Variants in HOMER2 observed in about 807,000 individuals in gnomAD.
HOMER2 encodes homer protein homolog 2.
In HOMER2, 27 loss-of-function variants were observed where a neutral mutation model predicts 47.0. The ratio of observed to expected loss-of-function variants is 0.57; its 90% confidence interval spans 0.42 to 0.79. The LOEUF (loss-of-function observed/expected upper bound fraction) is 0.79. HOMER2 is among the 30% of genes least tolerant of loss of function. The pLI is 0.00. For synonymous variants in HOMER2, 161 were observed against 163.8 expected, an observed-to-expected ratio of 0.98 and a Z score of 0.13; for missense variants, 443 against 435.0, an observed-to-expected ratio of 1.02 and a Z score of -0.16.
chr15:82,912,928 G>A (rs1226555869), intron 1 of HOMER2, among the ~76,000 whole-genome samples: 1 of 152,196 alleles, frequency 6.6e-6, no homozygotes, highest in Non-Finnish European at 1.5e-5. Context: ...TTGGGTTGCA[G>A]CTGCCCAAGG....
intron 1 of HOMER2, among the ~76,000 whole-genome samples, chr15:82,936,056 T>G (rs2054135902): frequency 6.6e-6 from 1 of 152,204 alleles, no homozygotes; most frequent in Non-Finnish European, 1.5e-5. Context: ...TTCTCCAATC[T>G]GAGACAGGGT....
intron 2 of HOMER2, among the ~76,000 whole-genome samples, 162 bp downstream of exon 2, chr15:82,892,523 A>G (rs1737254358): frequency 6.6e-6 from 1 of 152,172 alleles, no homozygotes; most frequent in East Asian, 1.9e-4. Context: ...ACAGAGAAAT[A>G]TTTTTCTTCC....
chr15:82,876,919 T>C (rs1312585731), intron 2 of HOMER2, among the ~76,000 whole-genome samples: 2 of 152,160 alleles, frequency 1.3e-5, no homozygotes, highest in East Asian at 3.9e-4. Context: ...GAAGTATCAT[T>C]GCTCTTGCTA....
At chr15:82,911,890 T>G (rs1286122909) in intron 1 of HOMER2, among the ~76,000 whole-genome samples, 1 of 151,936 alleles carries the variant, frequency 6.6e-6, no homozygotes, top group African/African-American at 2.4e-5. Context: ...ATTAGCTAGG[T>G]GTGGTGGCAA....
rs764617126 is a variant in HOMER2, at chr15:82,854,757, G to T, written c.538C>A (p.Arg180=). 4 of 1,611,778 alleles carry T rather than the reference G, an allele frequency of 2.5e-6. No homozygotes were observed. The South Asian group carries it at 4.4e-5, about 18-fold the overall frequency. ...GTGGTCAGCCGTGCATTGCTCTCCC[G>T]AAGGGTCTGCAGCTCGATCTCCCAC... The part of the protein sequence containing the change: ...KKWEIELQTL[R]ESNARLTTAL... The change falls in exon 6 of 9, where the codon CGG becomes AGG. Residue 180 remains arginine (R), a synonymous_variant. Coordinates refer to ENST00000450735, the MANE Select transcript of HOMER2 (RefSeq NM_004839.4).
intron 1 of HOMER2, among the ~76,000 whole-genome samples, chr15:82,895,742 GA>G (rs1028806663): frequency 6.6e-6 from 1 of 152,168 alleles, no homozygotes; most frequent in Non-Finnish European, 1.5e-5. Context: ...AGAAAAGAGG[GA>G]TTGGGTCTCG....
intron 1 of HOMER2, among the ~76,000 whole-genome samples, chr15:82,893,192 C>T (rs1009460798): frequency 2.0e-5 from 3 of 152,118 alleles, no homozygotes; most frequent in Non-Finnish European, 2.9e-5. Flanking sequence ...AACCAATTCA[C>T]TTTTTAGAAT....
chr15:82,907,518 GGAAA>G (rs2053323324), intron 1 of HOMER2, among the ~76,000 whole-genome samples: 1 of 147,470 alleles, frequency 6.8e-6, no homozygotes, highest in Non-Finnish European at 1.5e-5. Flanking sequence ...AAGGAAGGAA[GGAAA>G]GAGAGAGACA....
chr15:82,980,760 G>A (rs1161859790), intron 1 of HOMER2, among the ~76,000 whole-genome samples: 2 of 152,192 alleles, frequency 1.3e-5, no homozygotes, highest in Non-Finnish European at 2.9e-5. Flanking sequence ...TATGAAATAT[G>A]CCGACAATTT....
At chr15:82,864,107 G>A in intron 4 of HOMER2, 60 bp downstream of exon 4, 3 of 1,080,132 alleles carry the variant, frequency 2.8e-6, no homozygotes, top group South Asian at 1.5e-5. Flanking sequence ...GAAGTGACAA[G>A]GAACAAAGAG....
chr15:82,868,532 T>TATATAC (rs1364677007), intron 3 of HOMER2, among the ~76,000 whole-genome samples: 4 of 60,222 alleles, frequency 6.6e-5, no homozygotes, highest in African/African-American at 2.5e-4. Context: ...TTTATATATA[T>TATATAC]ATATATATAT....
At chr15:82,890,525 G>C (rs2052670798) in intron 2 of HOMER2, among the ~76,000 whole-genome samples, 1 of 152,106 alleles carries the variant, frequency 6.6e-6, no homozygotes, top group East Asian at 1.9e-4. Flanking sequence ...CTGTGCCACA[G>C]CCAGGGGCTT....
chr15:82,845,093 A>C (rs1362720774), downstream of HOMER2: 1 of 152,278 alleles, frequency 6.6e-6, no homozygotes, highest in Admixed American at 6.5e-5. Context: ...AACTTCTGGT[A>C]AATGGATTCC....
chr15:82,932,923 C>A (rs2054050851), intron 1 of HOMER2, among the ~76,000 whole-genome samples: 1 of 152,080 alleles, frequency 6.6e-6, no homozygotes, highest in Admixed American at 6.5e-5. Flanking sequence ...CTCCCTCCCA[C>A]CGATCTGAAC....
At chr15:82,841,755 T>C (rs761057162) in exon 2 of HOMER2, 1 of 152,170 alleles carries the variant, frequency 6.6e-6, no homozygotes, top group Non-Finnish European at 1.5e-5. Flanking sequence ...AACTGGCTAG[T>C]TACAAAATCA....
At chr15:82,907,408 G>GGAAA (rs561764056) in intron 1 of HOMER2, among the ~76,000 whole-genome samples, 7 of 133,314 alleles carry the variant, frequency 5.3e-5, no homozygotes, top group South Asian at 2.4e-4. Flanking sequence ...AGAAAGAGAA[G>GGAAA]GAAAGAAAGA....
chr15:82,952,373 A>C (rs2054524996), intron 1 of HOMER2, among the ~76,000 whole-genome samples, 158 bp downstream of exon 1: 1 of 152,090 alleles, frequency 6.6e-6, no homozygotes, highest in African/African-American at 2.4e-5. Flanking sequence ...GGCGCGGGTC[A>C]GGTGGCCCCA....
intron 3 of HOMER2, among the ~76,000 whole-genome samples, chr15:82,871,863 C>G (rs568080458): frequency 6.6e-6 from 1 of 152,178 alleles, no homozygotes; most frequent in East Asian, 1.9e-4. Context: ...TTCTTGCTGT[C>G]GATTCTTTTC....
chr15:82,977,056 T>G (rs774765793), intron 1 of HOMER2, among the ~76,000 whole-genome samples: 3 of 151,488 alleles, frequency 2.0e-5, no homozygotes, highest in Non-Finnish European at 2.9e-5. Context: ...GTTTGTGGGG[T>G]GAAAAAAAAT....
Sources: gnomAD v4.1 joint callset for allele counts (sites outside exome capture counted in the v4.1 genomes callset) on GRCh38, gnomAD v4.1.1 for gene constraint, MANE v1.5 for transcripts, NCBI Gene and HGNC (gene_info 2026-07-23, HGNC 2026-07-21) for gene names.